The following RAPGEF5 variants were observed in gnomAD, a reference collection of about 807,000 sequenced individuals.
The protein encoded by RAPGEF5 is M-Ras-regulated GEF.
Under a neutral mutation model 125.2 loss-of-function variants are expected in RAPGEF5, and 65 were observed. That is an observed-to-expected ratio of 0.52 (90% confidence interval 0.43 to 0.64). The LOEUF (loss-of-function observed/expected upper bound fraction) is 0.64, where lower values mean the gene tolerates loss of function less well. Among genes scored for constraint, RAPGEF5 ranks in the 30% least tolerant of loss-of-function variants. The probability of loss-of-function intolerance (pLI) is 0.00; values close to 1 mark genes in which losing one functional copy is unlikely to be tolerated. For synonymous variants in RAPGEF5, 391 were observed against 385.9 expected (o/e 1.01, Z -0.16); for missense variants, 958 against 1,048.1 (o/e 0.91, Z 1.19).
intron 12 of RAPGEF5, 54 bp downstream of exon 12, chr7:22,167,016 G>T: frequency 7.0e-7 from 1 of 1,421,244 alleles, no homozygotes; most frequent in Non-Finnish European, 9.9e-7. Flanking sequence ...TCCTAACGTG[G>T]GACATCTGTC....
At chr7:22,208,024 T>C (rs1480609889) in intron 9 of RAPGEF5, among the ~76,000 whole-genome samples, 1 of 152,220 alleles carries the variant, frequency 6.6e-6, no homozygotes, top group Non-Finnish European at 1.5e-5. Context: ...CTCTCTTCTG[T>C]GTGTTTTTGC....
At chr7:22,198,440 C>T (rs576831649) in intron 9 of RAPGEF5, among the ~76,000 whole-genome samples, 1 of 152,308 alleles carries the variant, frequency 6.6e-6, no homozygotes, top group East Asian at 1.9e-4. Context: ...ATCAGAAGAC[C>T]TGCTTTAATT....
At chr7:22,268,944 A>G (rs941049552) in intron 6 of RAPGEF5, among the ~76,000 whole-genome samples, 20 of 152,170 alleles carry the variant, frequency 1.3e-4, no homozygotes, top group African/African-American at 4.8e-4. Flanking sequence ...CGAGCAAAAA[A>G]TGGAGCATTT....
Position 22,160,524 on chromosome 7 carries a change from C to A in RAPGEF5, c.1520G>T (p.Arg507Leu), listed in dbSNP as rs1370074077. Reference sequence around the variant, plus strand: ...AGGAAAATGAAATACTTACTGACGACGGTGCATTCCAAGTATCTTTTGAAA... The same window carrying A: ...AGGAAAATGAAATACTTACTGACGAAGGTGCATTCCAAGTATCTTTTGAAA... ...KEFQKILGMHRRHTVDEYSPQ... is the reference protein window; with the variant it reads ...KEFQKILGMHLRHTVDEYSPQ... Residue 507 changes from arginine (R) to leucine (L), a missense_variant, in exon 14 of 26, where the codon CGT (arginine) becomes CTT (leucine). Transcript: ENST00000665637. 4 of 1,541,154 alleles carry A rather than the reference C, an allele frequency of 2.6e-6. No individual in the cohort carries two copies. The highest frequency in any genetic ancestry group is 2.6e-6 in the Non-Finnish European group (3 of 1,143,804).
chr7:22,160,808 T>C (rs1177999233), intron 13 of RAPGEF5, among the ~76,000 whole-genome samples, 193 bp from the exon 14 acceptor site: 2 of 152,220 alleles, frequency 1.3e-5, no homozygotes, highest in Admixed American at 6.5e-5. Flanking sequence ...TGGCTCTCTA[T>C]CTGCTTTCAG....
At chr7:22,321,276 GA>G (rs1783710818) in intron 1 of RAPGEF5, among the ~76,000 whole-genome samples, 1 of 152,022 alleles carries the variant, frequency 6.6e-6, no homozygotes, top group Admixed American at 6.5e-5. Flanking sequence ...AGTAACTCCA[GA>G]AATAATTGGT....
chr7:22,194,226 G>A (rs1562755204), intron 9 of RAPGEF5, among the ~76,000 whole-genome samples, 193 bp from the exon 10 acceptor site: 3 of 152,128 alleles, frequency 2.0e-5, no homozygotes, highest in African/African-American at 2.4e-5. Context: ...AGGCTCAAGT[G>A]CTATGAAAAC....
At chr7:22,261,907 C>G (rs774736922) in intron 7 of RAPGEF5, among the ~76,000 whole-genome samples, 14 of 150,994 alleles carry the variant, frequency 9.3e-5, no homozygotes, top group Non-Finnish European at 1.6e-4. Context: ...AAAACTAACT[C>G]AAAAGTGATC....
At chr7:22,156,750 G>A (rs1783820777) in intron 16 of RAPGEF5, 60 bp downstream of exon 16, 1 of 1,608,066 alleles carries the variant, frequency 6.2e-7, no homozygotes, top group Non-Finnish European at 8.5e-7. Flanking sequence ...TGCCAATGTA[G>A]GAGAAAAATG....
intron 1 of RAPGEF5, among the ~76,000 whole-genome samples, chr7:22,338,467 C>T (rs966753599): frequency 7.9e-5 from 12 of 152,124 alleles, no homozygotes; most frequent in Admixed American, 6.5e-4. Flanking sequence ...AAAACTAAAC[C>T]ATAATACAAT....
intron 6 of RAPGEF5, among the ~76,000 whole-genome samples, chr7:22,284,101 G>A (rs1444356727): frequency 1.3e-5 from 2 of 150,748 alleles, no homozygotes; most frequent in Admixed American, 6.6e-5. Context: ...GCGTGCATGT[G>A]GCAACCTGTA....
chr7:22,136,853 A>G, intron 22 of RAPGEF5, 80 bp downstream of exon 22: 2 of 1,219,906 alleles, frequency 1.6e-6, no homozygotes, highest in South Asian at 2.7e-5. Flanking sequence ...GAGTACAAAT[A>G]CCACCCACTA....
chr7:22,328,027 T>C (rs187182960), intron 1 of RAPGEF5, among the ~76,000 whole-genome samples: 2 of 152,346 alleles, frequency 1.3e-5, no homozygotes, highest in Admixed American at 1.3e-4. Flanking sequence ...AATTTTAGTA[T>C]TACTATGTAC....
chr7:22,239,130 T>C (rs556137856), intron 7 of RAPGEF5, among the ~76,000 whole-genome samples: 1 of 152,264 alleles, frequency 6.6e-6, no homozygotes, highest in African/African-American at 2.4e-5. Context: ...TGGCTGCCTT[T>C]CAGTTCCCAG....
At chr7:22,189,705 A>G (rs1784933377) in intron 11 of RAPGEF5, among the ~76,000 whole-genome samples, 1 of 152,182 alleles carries the variant, frequency 6.6e-6, no homozygotes, top group African/African-American at 2.4e-5. Flanking sequence ...AGCTTCAATC[A>G]CTGTCCAGGT....
At position 22,310,015 on chromosome 7, in the gene RAPGEF5, G is replaced by A; in HGVS notation, c.465C>T (p.Ala155=). The A allele has an allele frequency of 1.3e-6, 2 of 1,598,082 alleles. No homozygotes were observed. Among genetic ancestry groups the A allele is most frequent in the Non-Finnish European group, 1.7e-6 (2 of 1,174,544 alleles). The part of the protein sequence containing the change: ...HCPFVQCRSM[A]IGVWQLLLDM... The stretch of plus-strand genomic sequence containing the variant: ...CCAGTAGGAGTTGCCAGACTCCTAT[G>A]GCCATAGATCTGCACTGGACGAAAG... Residue 155 remains alanine (A), a synonymous_variant, in exon 4 of 26, where the codon GCC becomes GCT. Transcript: ENST00000665637.
chr7:22,192,485 T>C (rs1351210390), intron 11 of RAPGEF5: 1 of 152,228 alleles, frequency 6.6e-6, no homozygotes, highest in Admixed American at 6.5e-5. Context: ...CCTTCTTGCA[T>C]GGTAAAAACC....
chr7:22,130,971 G>A (rs768231542), intron 24 of RAPGEF5, 66 bp downstream of exon 24: 21 of 1,513,972 alleles, frequency 1.4e-5, no homozygotes, highest in Non-Finnish European at 1.9e-5. Flanking sequence ...TTATTTCCTA[G>A]AGCAGGAAAG....
intron 11 of RAPGEF5, among the ~76,000 whole-genome samples, chr7:22,169,804 G>A (rs1246809605): frequency 8.0e-6 from 1 of 124,964 alleles, no homozygotes; most frequent in Non-Finnish European, 1.6e-5. Context: ...AAGTTGCAGT[G>A]AGCCAAGATC....
Sources: allele counts gnomAD v4.1 joint callset (sites outside exome capture counted in the v4.1 genomes callset), GRCh38; gene constraint gnomAD v4.1.1; transcripts MANE v1.5; gene names NCBI Gene and HGNC (gene_info 2026-07-23, HGNC 2026-07-21).